The following NCEH1 variants were observed in gnomAD, a reference collection of about 807,000 sequenced individuals.
NCEH1 encodes 2-acetyl MAGE hydrolase.
A neutral mutation model predicts 25.4 loss-of-function variants in NCEH1; 9 were observed. The ratio of observed to expected loss-of-function variants is 0.35; its 90% CI spans 0.21 to 0.62. NCEH1 has a LOEUF of 0.62. Ranked by LOEUF, NCEH1 falls within the 20% of genes least tolerant of loss-of-function variation. The probability of loss-of-function intolerance (pLI) is 0.72; values close to 1 mark genes in which losing one functional copy is unlikely to be tolerated. For missense variants in NCEH1, 412 were observed against 501.1 expected (o/e 0.82, Z 1.70); for synonymous variants, 200 against 199.8 (o/e 1.00, Z -0.01).
intron 1 of NCEH1, among the ~76,000 whole-genome samples, chr3:172,703,969 G>C (rs1048250422): frequency 6.6e-6 from 1 of 152,362 alleles, no homozygotes; most frequent in Admixed American, 6.5e-5. Context: ...ATTGTGGTTA[G>C]TGAAGTTACT....
intron 1 of NCEH1, among the ~76,000 whole-genome samples, chr3:172,661,647 T>C (rs982802933): frequency 6.6e-6 from 1 of 152,218 alleles, no homozygotes; most frequent in Non-Finnish European, 1.5e-5. Context: ...TTTTATTTCA[T>C]TGAGCAGTGG....
chr3:172,663,485 T>C (rs980217893), intron 1 of NCEH1, among the ~76,000 whole-genome samples: 2 of 152,184 alleles, frequency 1.3e-5, no homozygotes, highest in Non-Finnish European at 2.9e-5. Context: ...GTCTGCTTGG[T>C]GTAGAGCTGA....
chr3:172,684,705 G>A (rs1173755266), intron 1 of NCEH1, among the ~76,000 whole-genome samples: 2 of 152,202 alleles, frequency 1.3e-5, no homozygotes, highest in African/African-American at 4.8e-5. Flanking sequence ...TTTGGGCTGG[G>A]TGCAATGGCT....
chr3:172,659,532 T>C (rs1271446092), intron 1 of NCEH1, among the ~76,000 whole-genome samples: 1 of 152,160 alleles, frequency 6.6e-6, no homozygotes, highest in African/African-American at 2.4e-5. Flanking sequence ...CTCCTTGGTG[T>C]CTGTGAGTGG....
intron 1 of NCEH1, among the ~76,000 whole-genome samples, chr3:172,691,961 AAAAAAAAG>A (rs1267410706): frequency 5.0e-5 from 7 of 139,412 alleles, no homozygotes; most frequent in African/African-American, 2.0e-4. Context: ...AAAAAAAAAA[AAAAAAAAG>A]AAAGAAAGAA....
At chr3:172,637,055 G>A (rs1370236236) in intron 3 of NCEH1, among the ~76,000 whole-genome samples, 1 of 152,110 alleles carries the variant, frequency 6.6e-6, no homozygotes, top group Non-Finnish European at 1.5e-5. Context: ...GCCAGGGTAC[G>A]TCACTCACTG....
At chr3:172,690,831 GGTTGT>G (rs1387361574) in intron 1 of NCEH1, among the ~76,000 whole-genome samples, 4 of 152,006 alleles carry the variant, frequency 2.6e-5, no homozygotes, top group Non-Finnish European at 5.9e-5. Flanking sequence ...AAGAAACAGT[GGTTGT>G]GTTAAGGTGA....
In NCEH1 at chr3:172,645,627, T is replaced by G; in HGVS notation, c.433A>C (p.Ile145Leu). Reference sequence around the variant, plus strand: ...TGACTAGCATTAATTACTTACTCAATGGAAACAATGACAGCATTCAATTCC... The same window carrying G: ...TGACTAGCATTAATTACTTACTCAAGGGAAACAATGACAGCATTCAATTCC... The part of the protein sequence containing the change: ...AEELNAVIVS[I>L]EYRLVPKVYF... Residue 145 changes from isoleucine (I) to leucine (L), a missense_variant, in exon 3 of 5, where the codon ATT (isoleucine) becomes CTT (leucine). By Grantham distance (5) the Ile-to-Leu change is conservative. Around this residue, in one of 3 missense-constraint regions of NCEH1, gnomAD observed 178 missense variants for 189.2 expected, o/e 0.94. Transcript: ENST00000475381. 5 of 1,592,736 alleles carry G rather than the reference T, an allele frequency of 3.1e-6. No homozygotes were observed. The highest frequency in any genetic ancestry group is 4.3e-6 in the Non-Finnish European group (5 of 1,166,218).
chr3:172,666,788 C>T (rs1309573678), intron 1 of NCEH1, among the ~76,000 whole-genome samples: 1 of 152,170 alleles, frequency 6.6e-6, no homozygotes, highest in Non-Finnish European at 1.5e-5. Context: ...TCTCTGTCTG[C>T]GATCTCTTAC....
At chr3:172,647,846 A>G in intron 2 of NCEH1, 40 bp downstream of exon 2, 1 of 1,611,584 alleles carries the variant, frequency 6.2e-7, no homozygotes, top group Middle Eastern at 1.7e-4. Flanking sequence ...CCCCAAGGCC[A>G]ACCACAACAA....
At chr3:172,667,937 A>G (rs1182686372) in intron 1 of NCEH1, among the ~76,000 whole-genome samples, 1 of 152,226 alleles carries the variant, frequency 6.6e-6, no homozygotes, top group East Asian at 1.9e-4. Context: ...TTAAAGAAGC[A>G]ACTTCCAGGG....
intron 1 of NCEH1, among the ~76,000 whole-genome samples, chr3:172,693,387 T>G (rs937411359): frequency 2.0e-5 from 3 of 151,284 alleles, no homozygotes; most frequent in Admixed American, 1.3e-4. Context: ...TCAGCAACTT[T>G]AAGGATTACA....
At chr3:172,658,362 T>A (rs968090241) in intron 1 of NCEH1, among the ~76,000 whole-genome samples, 11 of 152,190 alleles carry the variant, frequency 7.2e-5, no homozygotes, top group African/African-American at 2.7e-4. Context: ...TGGCTAGGGA[T>A]TTTTCCTGTA....
At chr3:172,683,122 G>GAGAATCATTTGAGCCCAGGA (rs1258796143) in intron 1 of NCEH1, among the ~76,000 whole-genome samples, 1 of 131,184 alleles carries the variant, frequency 7.6e-6, no homozygotes, top group Non-Finnish European at 1.7e-5. Context: ...GCGGAGGCAG[G>GAGAATCATTTGAGCCCAGGA]GCCGGGCGCG....
chr3:172,681,030 T>C (rs1712341696), intron 1 of NCEH1: 1 of 151,196 alleles, frequency 6.6e-6, no homozygotes, highest in Admixed American at 6.6e-5. Flanking sequence ...CCTATAAGCC[T>C]TTACTTGCCA....
chr3:172,685,266 A>G (rs1289905275), intron 1 of NCEH1, among the ~76,000 whole-genome samples: 1 of 152,164 alleles, frequency 6.6e-6, no homozygotes, highest in Non-Finnish European at 1.5e-5. Flanking sequence ...CAGCCTGGGC[A>G]ACAGAGTGAG....
intron 1 of NCEH1, among the ~76,000 whole-genome samples, chr3:172,666,553 C>T (rs1195495886): frequency 1.3e-5 from 2 of 152,206 alleles, no homozygotes; most frequent in East Asian, 3.8e-4. Context: ...CTCTCCACTC[C>T]TTAAAACCAT....
intron 1 of NCEH1, among the ~76,000 whole-genome samples, chr3:172,689,768 T>C (rs964605605): frequency 1.3e-5 from 2 of 151,480 alleles, no homozygotes; most frequent in African/African-American, 4.8e-5. Context: ...CAGGGTAGTA[T>C]AGTAAAATTG....
At chr3:172,634,722 C>G (rs1043832825) in intron 4 of NCEH1, among the ~76,000 whole-genome samples, 8 of 152,194 alleles carry the variant, frequency 5.3e-5, no homozygotes, top group African/African-American at 1.9e-4. Context: ...CACCTCCCCA[C>G]AGTGTTAACA....
Sources: allele counts gnomAD v4.1 joint callset (sites outside exome capture counted in the v4.1 genomes callset), GRCh38; gene constraint gnomAD v4.1.1; regional missense constraint gnomAD v4.1.1; transcripts MANE v1.5; gene names NCBI Gene and HGNC (gene_info 2026-07-23, HGNC 2026-07-21).